SEMA3A: variants seen among roughly 807,000 people sequenced by gnomAD.
SEMA3A encodes the protein semaphorin-3A.
A neutral mutation model predicts 97.9 loss-of-function variants in SEMA3A; 29 were observed. The ratio of observed to expected loss-of-function variants is 0.30; its 90% confidence interval spans 0.22 to 0.40. The LOEUF is 0.40. SEMA3A is among the 10% of genes least tolerant of loss of function. The pLI is 1.00. For synonymous variants in SEMA3A, 321 were observed against 323.7 expected, an observed-to-expected ratio of 0.99 and a Z score of 0.09; for missense variants, 763 against 951.3, an observed-to-expected ratio of 0.80 and a Z score of 2.60.
At chr7:84,372,566 T>G (rs539432103) in intron 1 of SEMA3A, among the ~76,000 whole-genome samples, 5 of 152,116 alleles carry the variant, frequency 3.3e-5, no homozygotes, top group Non-Finnish European at 7.4e-5. Context: ...ATTGAGAGTT[T>G]TAGTGCTGAA....
chr7:84,453,332 G>C (rs994485997), intron 1 of SEMA3A, among the ~76,000 whole-genome samples: 18 of 151,610 alleles, frequency 1.2e-4, no homozygotes, highest in African/African-American at 4.1e-4. Flanking sequence ...GCCCCCTGGG[G>C]TTCACGCCAT....
intron 3 of SEMA3A, among the ~76,000 whole-genome samples, chr7:84,251,327 C>T (rs889355910): frequency 1.1e-4 from 16 of 152,046 alleles, no homozygotes; most frequent in Non-Finnish European, 8.8e-5. Context: ...CTGGAATTTC[C>T]GATTGAGGAA....
intron 2 of SEMA3A, among the ~76,000 whole-genome samples, chr7:84,361,930 T>C (rs192876603): frequency 2.0e-3 from 308 of 152,094 alleles, no homozygotes; most frequent in African/African-American, 7.0e-3. Context: ...TCTATTTCTA[T>C]GATAGTTTTT....
intron 3 of SEMA3A, among the ~76,000 whole-genome samples, chr7:84,204,037 T>C (rs534251204): frequency 6.6e-6 from 1 of 152,320 alleles, no homozygotes; most frequent in East Asian, 1.9e-4. Context: ...TCTTTTGAGA[T>C]TAAAGACTCC....
rs915983755 is a variant in SEMA3A at position 84,353,673 on chromosome 7, T to C, written c.-169+18151A>G. On this transcript the variant is annotated intron_variant, in intron 2 of 3. Transcript: ENST00000424555. ...AAGTGTTTCATTTTCTTTGTCATAT[T>C]AAAATAGGCACAGACATGCCATGCT... 4.0e-5 allele frequency among the ~76,000 whole-genome samples: 6 copies of C among 151,736 alleles called. No individual in the cohort carries two copies. In the East Asian group the frequency reaches 1.2e-3, roughly 29 times the overall value.
At chr7:83,974,455 C>T (rs79909481) in intron 15 of SEMA3A, among the ~76,000 whole-genome samples, 4,635 of 152,208 alleles carry the variant, frequency 0.03, 239 homozygotes, top group African/African-American at 0.11. Flanking sequence ...TGGAACTGAT[C>T]ATCCTGAAGT....
chr7:84,488,315 TATACACAC>T (rs1190429705), intron 1 of SEMA3A, among the ~76,000 whole-genome samples: 1 of 94,288 alleles, frequency 1.1e-5, no homozygotes, highest in African/African-American at 4.5e-5. Context: ...TTTCTTCGTA[TATACACAC>T]ACACACACAC....
intron 4 of SEMA3A, among the ~76,000 whole-genome samples, chr7:84,077,342 G>A (rs1298065216): frequency 6.6e-6 from 1 of 152,050 alleles, no homozygotes; most frequent in African/African-American, 2.4e-5. Context: ...AATTGTGAAA[G>A]TAAAGCTATT....
chr7:84,022,977 T>C (rs140565407), intron 6 of SEMA3A, among the ~76,000 whole-genome samples: 200 of 152,276 alleles, frequency 1.3e-3, no homozygotes, highest in African/African-American at 4.3e-3. Flanking sequence ...GCTGAGTAAA[T>C]ACACCACTCT....
At chr7:84,427,812 C>G (rs1804868771) in intron 1 of SEMA3A, among the ~76,000 whole-genome samples, 1 of 151,844 alleles carries the variant, frequency 6.6e-6, no homozygotes, top group South Asian at 2.1e-4. Context: ...TGATAAACCA[C>G]AGATAAACTA....
At chr7:84,146,515 G>A (rs985597154) in intron 1 of SEMA3A, among the ~76,000 whole-genome samples, 2 of 151,910 alleles carry the variant, frequency 1.3e-5, no homozygotes, top group Admixed American at 1.3e-4. Context: ...CAAGAATATA[G>A]GCAAAAAATA....
At chr7:84,272,853 A>G (rs1374656747) in intron 3 of SEMA3A, among the ~76,000 whole-genome samples, 1 of 152,126 alleles carries the variant, frequency 6.6e-6, no homozygotes, top group Non-Finnish European at 1.5e-5. Context: ...AGAAATAAAT[A>G]ATAATCATGA....
chr7:84,328,386 A>G (rs1801822367), intron 2 of SEMA3A, among the ~76,000 whole-genome samples: 1 of 152,036 alleles, frequency 6.6e-6, no homozygotes, highest in Non-Finnish European at 1.5e-5. Context: ...ATAAACGTTC[A>G]GTTCTTGAAA....
chr7:84,352,879 G>C (rs1802469193), intron 2 of SEMA3A, among the ~76,000 whole-genome samples: 1 of 151,780 alleles, frequency 6.6e-6, no homozygotes, highest in Admixed American at 6.6e-5. Context: ...TCAAGAAACT[G>C]ATCTGTCATG....
chr7:83,977,113 G>A lies in SEMA3A; in HGVS notation c.1717+19C>T, dbSNP rs1352439553. 3.4e-6 allele frequency: 5 copies of A among 1,490,830 alleles called. No homozygotes were observed. Among genetic ancestry groups the A allele is most frequent in the Non-Finnish European group, 4.5e-6 (5 of 1,099,086 alleles). 92.4% of individuals were successfully genotyped at this position (1,490,830 alleles called of 1,614,324 possible). A position where few individuals can be genotyped will look rare whatever the true frequency, so the allele number is the denominator to read the frequency against. ...TTAGCCTGGTCTTAGCAGGTTGAAA[G>A]ATGAAAAATGTGACTTACCATGGTG... On this transcript the variant is annotated intron_variant, in intron 15 of 16. Transcript: ENST00000265362.
At chr7:83,991,188 G>A (rs1251424671) in intron 12 of SEMA3A, among the ~76,000 whole-genome samples, 1 of 151,652 alleles carries the variant, frequency 6.6e-6, no homozygotes, top group African/African-American at 2.4e-5. Context: ...AGACTTTGCT[G>A]AAGTTGCTTA....
chr7:84,134,689 C>G, intron 2 of SEMA3A, 105 bp downstream of exon 2: 1 of 875,774 alleles, frequency 1.1e-6, no homozygotes, highest in South Asian at 2.4e-5. Flanking sequence ...ACTATTAATT[C>G]AAAACAATTT....
chr7:84,413,797 T>A (rs1804347774), intron 1 of SEMA3A, among the ~76,000 whole-genome samples: 1 of 152,128 alleles, frequency 6.6e-6, no homozygotes, highest in African/African-American at 2.4e-5. Context: ...AAAGAAACAA[T>A]AAATAATGGG....
At chr7:84,026,364 T>C (rs1791543772) in intron 6 of SEMA3A, among the ~76,000 whole-genome samples, 1 of 152,200 alleles carries the variant, frequency 6.6e-6, no homozygotes, top group African/African-American at 2.4e-5. Context: ...TAATAATTTT[T>C]AGAATATTTT....
Sources: allele counts gnomAD v4.1 joint callset (sites outside exome capture counted in the v4.1 genomes callset), GRCh38; gene constraint gnomAD v4.1.1; transcripts MANE v1.5; gene names NCBI Gene and HGNC (gene_info 2026-07-23, HGNC 2026-07-21).